CTNNA3: variants seen among roughly 807,000 people sequenced by gnomAD.
The protein encoded by CTNNA3 is catenin alpha 3, also known as catenin alpha-3.
CTNNA3 carries 76 observed loss-of-function variants against 95.7 expected under a neutral mutation model. The ratio of observed to expected loss-of-function variants is 0.79; its 90% CI spans 0.66 to 0.96. CTNNA3 has a LOEUF of 0.96. Ranked by LOEUF, CTNNA3 falls within the 40% of genes least tolerant of loss-of-function variation. The pLI, the probability that CTNNA3 is intolerant of heterozygous loss-of-function variation, is 0.00. For synonymous variants in CTNNA3, 431 were observed against 374.4 expected, an observed-to-expected ratio of 1.15 and a Z score of -1.74; for missense variants, 1,191 against 1,089.8, an observed-to-expected ratio of 1.09 and a Z score of -1.31.
intron 9 of CTNNA3, among the ~76,000 whole-genome samples, chr10:66,734,473 T>G (rs1324463240): frequency 6.6e-6 from 1 of 152,158 alleles, no homozygotes. Flanking sequence ...AGTATTTTGT[T>G]GGTGGTGCTG....
At chr10:67,353,100 T>C (rs1354037508) in intron 5 of CTNNA3, among the ~76,000 whole-genome samples, 3 of 152,148 alleles carry the variant, frequency 2.0e-5, no homozygotes, top group Admixed American at 1.3e-4. Flanking sequence ...CGCCACTTAC[T>C]AGCTCTGTAG....
chr10:67,369,731 T>C (rs1392083634), intron 5 of CTNNA3, among the ~76,000 whole-genome samples: 1 of 152,106 alleles, frequency 6.6e-6, no homozygotes, highest in African/African-American at 2.4e-5. Context: ...TTAACCTTTC[T>C]AATAAAAAAT....
chr10:66,458,831 G>A (rs1303979230), intron 11 of CTNNA3, among the ~76,000 whole-genome samples: 5 of 152,156 alleles, frequency 3.3e-5, no homozygotes, highest in Admixed American at 3.3e-4. Flanking sequence ...ATCCCGTGAA[G>A]AGCATTTGGG....
At chr10:67,614,979 GC>G (rs1843599731) in intron 2 of CTNNA3, among the ~76,000 whole-genome samples, 1 of 152,040 alleles carries the variant, frequency 6.6e-6, no homozygotes, top group South Asian at 2.1e-4. Flanking sequence ...TTGGATTAGG[GC>G]CCACCCAAAT....
At chr10:66,641,330 C>A (rs1280946060) in intron 9 of CTNNA3, among the ~76,000 whole-genome samples, 1 of 152,146 alleles carries the variant, frequency 6.6e-6, no homozygotes, top group Non-Finnish European at 1.5e-5. Flanking sequence ...CATGTTGTAG[C>A]ATATTGCATT....
intron 13 of CTNNA3, among the ~76,000 whole-genome samples, chr10:66,241,090 T>C (rs970739410): frequency 6.6e-6 from 1 of 152,100 alleles, no homozygotes; most frequent in African/African-American, 2.4e-5. Flanking sequence ...TCAAACTCAT[T>C]CATACTGAAC....
At chr10:67,570,447 A>G (rs1841941986) in intron 3 of CTNNA3, among the ~76,000 whole-genome samples, 1 of 152,142 alleles carries the variant, frequency 6.6e-6, no homozygotes, top group Non-Finnish European at 1.5e-5. Context: ...TTCTACATTA[A>G]TACATAGATA....
intron 3 of CTNNA3, among the ~76,000 whole-genome samples, chr10:67,548,442 C>T (rs1033000596): frequency 6.6e-6 from 1 of 152,116 alleles, no homozygotes; most frequent in African/African-American, 2.4e-5. Context: ...AAGAAATTCA[C>T]CAGCTGATCC....
At chr10:66,979,707 G>A (rs539260882) in intron 7 of CTNNA3, among the ~76,000 whole-genome samples, 1 of 152,256 alleles carries the variant, frequency 6.6e-6, no homozygotes, top group African/African-American at 2.4e-5. Context: ...GTACTGTTGT[G>A]CACACATTGA....
chr10:66,296,330 A>G (rs942425730), intron 12 of CTNNA3, among the ~76,000 whole-genome samples: 1 of 152,134 alleles, frequency 6.6e-6, no homozygotes, highest in Non-Finnish European at 1.5e-5. Flanking sequence ...ACTCAAATTG[A>G]TTATAACTAT....
intron 12 of CTNNA3, among the ~76,000 whole-genome samples, chr10:66,372,712 C>T (rs1374004354): frequency 6.6e-6 from 1 of 152,132 alleles, no homozygotes; most frequent in African/African-American, 2.4e-5. Flanking sequence ...AGGAAACTTA[C>T]AATCATGGCA....
chr10:66,967,516 A>T (rs1349509037), intron 7 of CTNNA3, among the ~76,000 whole-genome samples: 1 of 151,988 alleles, frequency 6.6e-6, no homozygotes, highest in Admixed American at 6.6e-5. Context: ...TCCCTCAGCA[A>T]TACAAGATTT....
At chr10:67,711,100 T>C (rs528712497) in intron 1 of CTNNA3, among the ~76,000 whole-genome samples, 7 of 152,334 alleles carry the variant, frequency 4.6e-5, no homozygotes, top group African/African-American at 9.6e-5. Flanking sequence ...TCTTCCACCA[T>C]GATTGTGAGG....
chr10:67,414,582 A>G (rs1156953584), intron 5 of CTNNA3, among the ~76,000 whole-genome samples: 1 of 152,216 alleles, frequency 6.6e-6, no homozygotes, highest in South Asian at 2.1e-4. Context: ...AACTTATTCT[A>G]TAAGACAAGC....
At chr10:66,928,110 G>C (rs997661924) in intron 7 of CTNNA3, 2 of 1,614,068 alleles carry the variant, frequency 1.2e-6, no homozygotes, top group Admixed American at 1.7e-5. Flanking sequence ...TGCCCCCGAC[G>C]GTGGGAGCCA....
At chr10:66,364,614 T>C (rs993212671) in intron 12 of CTNNA3, among the ~76,000 whole-genome samples, 1 of 152,186 alleles carries the variant, frequency 6.6e-6, no homozygotes, top group African/African-American at 2.4e-5. Context: ...AATTAATGCA[T>C]TGTAGACAAA....
intron 13 of CTNNA3, among the ~76,000 whole-genome samples, chr10:66,117,108 T>A (rs967957381): frequency 4.6e-5 from 7 of 152,132 alleles, no homozygotes; most frequent in African/African-American, 1.7e-4. Flanking sequence ...TGAGAGTTGG[T>A]GGGAGGAGTG....
intron 7 of CTNNA3, among the ~76,000 whole-genome samples, chr10:66,816,359 A>G (rs550836052): frequency 2.3e-4 from 35 of 152,288 alleles, no homozygotes; most frequent in African/African-American, 8.4e-4. Flanking sequence ...CATGAAATGT[A>G]AATGGGTTAA....
At chr10:66,683,829 G>T (rs137930563) in intron 9 of CTNNA3, among the ~76,000 whole-genome samples, 1,723 of 152,264 alleles carry the variant, frequency 0.011, 14 homozygotes, top group Middle Eastern at 0.02. Context: ...AAGATGGGAA[G>T]TGTGAGGTAG....
Sources: allele counts gnomAD v4.1 joint callset (sites outside exome capture counted in the v4.1 genomes callset), GRCh38; gene constraint gnomAD v4.1.1; transcripts MANE v1.5; gene names NCBI Gene and HGNC (gene_info 2026-07-23, HGNC 2026-07-21).